SYN3: variants seen among roughly 807,000 people sequenced by gnomAD.
The protein encoded by SYN3 is synapsin-3.
SYN3 carries 35 observed loss-of-function variants against 65.8 expected under a neutral mutation model. That is an observed-to-expected ratio of 0.53 (90% CI 0.41 to 0.70). The LOEUF is 0.70. Ranked by LOEUF, SYN3 falls within the 30% of genes least tolerant of loss-of-function variation. SYN3 has a pLI of 0.00. For missense variants in SYN3, 680 were observed against 749.0 expected, an observed-to-expected ratio of 0.91 and a Z score of 1.08; for synonymous variants, 270 against 292.9, an observed-to-expected ratio of 0.92 and a Z score of 0.80.
chr22:33,053,655 C>A (rs2054208048), intron 1 of SYN3, among the ~76,000 whole-genome samples: 1 of 152,172 alleles, frequency 6.6e-6, no homozygotes, highest in African/African-American at 2.4e-5. Flanking sequence ...TATTCTCTTT[C>A]TTGGGCTAAT....
chr22:32,825,226 T>C (rs2047367010), intron 6 of SYN3, among the ~76,000 whole-genome samples: 1 of 152,112 alleles, frequency 6.6e-6, no homozygotes, highest in African/African-American at 2.4e-5. Flanking sequence ...GAATGCTGCA[T>C]GTAGAGGTCT....
intron 1 of SYN3, among the ~76,000 whole-genome samples, chr22:33,046,486 G>A (rs57040453): frequency 0.063 from 9,586 of 152,138 alleles, 499 homozygotes; most frequent in East Asian, 0.29. Flanking sequence ...TTGGGAGGCC[G>A]AGGCAGGCGG....
chr22:32,738,199 G>C (rs966881936), intron 6 of SYN3, among the ~76,000 whole-genome samples: 6 of 152,100 alleles, frequency 3.9e-5, no homozygotes, highest in Non-Finnish European at 8.8e-5. Flanking sequence ...GGTTTCAAGA[G>C]GGCTCTGGGT....
At chr22:32,788,238 A>G (rs556350496) in intron 6 of SYN3, among the ~76,000 whole-genome samples, 14 of 131,836 alleles carry the variant, frequency 1.1e-4, no homozygotes, top group Admixed American at 3.9e-4. Context: ...CAATACGACT[A>G]TATTAAAAAA....
intron 6 of SYN3, among the ~76,000 whole-genome samples, chr22:32,774,619 A>G (rs1479306009): frequency 6.6e-6 from 1 of 150,480 alleles, no homozygotes; most frequent in Non-Finnish European, 1.5e-5. Flanking sequence ...TTTTCCCGAT[A>G]TGGAGTTTTC....
At chr22:33,011,510 CAA>C (rs945504235) in intron 1 of SYN3, among the ~76,000 whole-genome samples, 1 of 151,848 alleles carries the variant, frequency 6.6e-6, no homozygotes, top group Non-Finnish European at 1.5e-5. Context: ...ATGTTCATGA[CAA>C]AAAAACATTG....
intron 7 of SYN3, among the ~76,000 whole-genome samples, chr22:32,560,049 T>A (rs984871575): frequency 5.3e-5 from 8 of 152,216 alleles, no homozygotes; most frequent in African/African-American, 1.7e-4. Context: ...GTAAACACAC[T>A]GTGCCTGCAG....
In SYN3 at chr22:32,890,894, G is replaced by A. The variant is rs2049427842; in HGVS notation, c.462-21769C>T. On this transcript the variant is annotated intron_variant, in intron 4 of 13. Coordinates refer to ENST00000358763, the MANE Select transcript of SYN3 (RefSeq NM_003490.4). ...ACCTCCCTACTAGCGTGTCCTCTTG[G>A]ACTGCAAAGGATGCAATGGTAAAAA... 2.6e-5 allele frequency among the ~76,000 whole-genome samples: 4 copies of A among 152,018 alleles called. No individual in the cohort carries two copies. The South Asian group carries it at 8.3e-4, about 32-fold the overall frequency.
At chr22:32,944,769 T>C (rs888018604) in intron 3 of SYN3, among the ~76,000 whole-genome samples, 5 of 152,210 alleles carry the variant, frequency 3.3e-5, no homozygotes, top group African/African-American at 9.6e-5. Flanking sequence ...TGTTTGCAGA[T>C]GACATGATTG....
At chr22:32,784,462 C>A (rs937019770) in intron 6 of SYN3, among the ~76,000 whole-genome samples, 1 of 152,126 alleles carries the variant, frequency 6.6e-6, no homozygotes, top group South Asian at 2.1e-4. Flanking sequence ...AACTGAGGAA[C>A]CAAATGTTGC....
At position 32,508,780 on chromosome 22, in the gene SYN3, C is replaced by T. The variant is rs1444228488; in HGVS notation, c.*4912G>A. Among the ~76,000 whole-genome samples, 1 of 152,184 alleles carries T rather than the reference C, an allele frequency of 6.6e-6. No individual in the cohort carries two copies. Among genetic ancestry groups the T allele is most frequent in the African/African-American group, 2.4e-5 (1 of 41,448 alleles). ...GTTTTCTAGGAGGGCTGAGCTAAAA[C>T]ATGTCCTGAACACCTGCTGGGTGCC... On this transcript the variant is annotated 3_prime_UTR_variant, in exon 14 of 14. Coordinates refer to ENST00000358763, the MANE Select transcript of SYN3 (RefSeq NM_003490.4).
intron 7 of SYN3, among the ~76,000 whole-genome samples, chr22:32,587,242 A>AAAAG (rs1555902497): frequency 7.7e-6 from 1 of 130,500 alleles, no homozygotes; most frequent in Non-Finnish European, 1.6e-5. Flanking sequence ...AAAAAAAAAA[A>AAAAG]AGAGAGAGAG....
At chr22:32,770,855 T>TATGTGTTCAATTAACAC (rs1483163780) in intron 6 of SYN3, among the ~76,000 whole-genome samples, 2 of 152,170 alleles carry the variant, frequency 1.3e-5, no homozygotes, top group African/African-American at 4.8e-5. Context: ...GCCTGGCACA[T>TATGTGTTCAATTAACAC]ATGTGTTCAA....
rs796725900 is a variant in SYN3, at chr22:32,572,243, C to CTCCTTCCTTCCTTCCTTCCTTCCTT, written c.774+24430_774+24431insAAGGAAGGAAGGAAGGAAGGAAGGA. On this transcript the variant is annotated intron_variant, in intron 7 of 13. Coordinates refer to ENST00000358763, the MANE Select transcript of SYN3 (RefSeq NM_003490.4). Reference sequence around the variant, plus strand: ...TTCTGCCCCTGGAGTCAGATTCTGGCTCCTTCCTTCCTTTCCTTCCTTCCT... The same window carrying CTCCTTCCTTCCTTCCTTCCTTCCTT: ...TTCTGCCCCTGGAGTCAGATTCTGGCTCCTTCCTTCCTTCCTTCCTTCCTTTCCTTCCTTCCTTTCCTTCCTTCCT... Among the ~76,000 whole-genome samples, 30 of 112,314 alleles carry CTCCTTCCTTCCTTCCTTCCTTCCTT rather than the reference C, an allele frequency of 2.7e-4. 1 individual carries two copies. Among genetic ancestry groups the CTCCTTCCTTCCTTCCTTCCTTCCTT allele is most frequent in the African/African-American group, 9.1e-4 (24 of 26,346 alleles). The allele number at this position is 112,314 out of a possible 152,430, so 73.7% of individuals were successfully genotyped here. A position where few individuals can be genotyped will look rare whatever the true frequency, so the allele number is the denominator to read the frequency against.
chr22:32,650,275 C>T lies in SYN3; in HGVS notation c.712-53539G>A, dbSNP rs2413136. Among the ~76,000 whole-genome samples the T allele has an allele frequency of 2.6e-4, 29 of 113,664 alleles. 2 individuals are homozygous for T. Among genetic ancestry groups the T allele is most frequent in the African/African-American group, 8.4e-4 (22 of 26,254 alleles). 74.6% of individuals were successfully genotyped at this position (113,664 alleles called of 152,430 possible). A position where few individuals can be genotyped will look rare whatever the true frequency, so the allele number is the denominator to read the frequency against. On this transcript the variant is annotated intron_variant, in intron 6 of 13. Coordinates refer to ENST00000358763, the MANE Select transcript of SYN3 (RefSeq NM_003490.4). ...CCTCCCTCCCTCTCTCTCTCTCTCT[C>T]TTTCTTTTTGAGACAGAGTCTCACT...
chr22:32,710,485 T>G (rs1483821433), intron 6 of SYN3, among the ~76,000 whole-genome samples: 2 of 151,616 alleles, frequency 1.3e-5, no homozygotes, highest in Non-Finnish European at 1.5e-5. Flanking sequence ...ACAAAAAAAG[T>G]AGCCAGGCGT....
intron 6 of SYN3, among the ~76,000 whole-genome samples, chr22:32,742,751 T>C (rs2044812562): frequency 6.6e-6 from 1 of 152,198 alleles, no homozygotes; most frequent in Non-Finnish European, 1.5e-5. Flanking sequence ...CCTTGTTTTC[T>C]CCTCAGCAAC....
chr22:33,042,822 T>A (rs2053988644), intron 1 of SYN3, among the ~76,000 whole-genome samples: 1 of 152,142 alleles, frequency 6.6e-6, no homozygotes, highest in Non-Finnish European at 1.5e-5. Flanking sequence ...TGAGCAGCTC[T>A]CCCACCCCTA....
chr22:33,025,678 T>TCAG (rs1243507049), intron 1 of SYN3, among the ~76,000 whole-genome samples: 3 of 151,886 alleles, frequency 2.0e-5, no homozygotes, highest in African/African-American at 7.3e-5. Flanking sequence ...TGCAACTTTC[T>TCAG]CAGTATTCAT....
Sources: gnomAD v4.1 joint callset for allele counts (sites outside exome capture counted in the v4.1 genomes callset) on GRCh38, gnomAD v4.1.1 for gene constraint, MANE v1.5 for transcripts, NCBI Gene and HGNC (gene_info 2026-07-23, HGNC 2026-07-21) for gene names.